PRKCQ: variants seen among roughly 807,000 people sequenced by gnomAD.
PRKCQ encodes the protein protein kinase C theta, also known as protein kinase C theta type.
In PRKCQ, 41 loss-of-function variants were observed where a neutral mutation model predicts 91.2. The observed-to-expected ratio is 0.45, with a 90% CI of 0.35 to 0.58. PRKCQ has a LOEUF of 0.58. Among genes scored for constraint, PRKCQ ranks in the 20% least tolerant of loss-of-function variants. The pLI is 0.00. For missense variants in PRKCQ, 673 were observed against 896.5 expected (o/e 0.75, Z 3.18); for synonymous variants, 307 against 316.9 (o/e 0.97, Z 0.33).
chr10:6,554,344 G>T (rs1840327155), intron 1 of PRKCQ, among the ~76,000 whole-genome samples: 1 of 152,134 alleles, frequency 6.6e-6, no homozygotes, highest in Non-Finnish European at 1.5e-5. Context: ...GGGAATTAAA[G>T]TGTGGTTGGA....
chr10:6,543,802 A>G (rs368602007), intron 1 of PRKCQ, among the ~76,000 whole-genome samples: 1 of 152,156 alleles, frequency 6.6e-6, no homozygotes, highest in East Asian at 1.9e-4. Flanking sequence ...TACTCCTTCC[A>G]CAAATGTCCT....
At chr10:6,513,447 CAAAA>C (rs58606251) in intron 2 of PRKCQ, among the ~76,000 whole-genome samples, 190 of 105,522 alleles carry the variant, frequency 1.8e-3, no homozygotes, top group Middle Eastern at 5.0e-3. Context: ...AGGCCAAATG[CAAAA>C]AAAAAAAAAA....
At chr10:6,492,009 C>T (rs748952146) in intron 7 of PRKCQ, among the ~76,000 whole-genome samples, 197 bp from the exon 8 acceptor site, 11 of 152,282 alleles carry the variant, frequency 7.2e-5, no homozygotes, top group Middle Eastern at 3.4e-3. Context: ...CTGTACGTGA[C>T]GGGGCATGCT....
intron 1 of PRKCQ, among the ~76,000 whole-genome samples, chr10:6,536,839 C>G (rs1839602217): frequency 6.6e-6 from 1 of 152,216 alleles, no homozygotes; most frequent in South Asian, 2.1e-4. Context: ...TTAAAAACAG[C>G]CAGAGCATCT....
chr10:6,486,550 C>A (rs994589437), intron 8 of PRKCQ, among the ~76,000 whole-genome samples: 3 of 152,238 alleles, frequency 2.0e-5, no homozygotes, highest in Non-Finnish European at 4.4e-5. Flanking sequence ...CTGCCCTGAG[C>A]TGCTACTCTC....
Position 6,462,292 on chromosome 10 carries a change from GC to G in PRKCQ, c.1508+10del. 2 of 1,611,538 alleles carry G rather than the reference GC, an allele frequency of 1.2e-6. No individual in the cohort carries two copies. The highest frequency in any genetic ancestry group is 1.7e-6 in the Non-Finnish European group (2 of 1,178,118). On this transcript the variant is annotated intron_variant, in intron 14 of 17. Transcript: ENST00000263125. Reference sequence around the variant, plus strand: ...ATATCTTAGCATTTGTTTCCACAAAGCAAAATTTACCTGTAGACTATTCCTT... The same window carrying G: ...ATATCTTAGCATTTGTTTCCACAAAGAAAATTTACCTGTAGACTATTCCTT...
At chr10:6,414,465 G>A in the PRKCQ span, among the ~76,000 whole-genome samples, 4 of 152,038 alleles carry the variant, frequency 2.6e-5, no homozygotes, top group Admixed American at 2.6e-4. Context: ...AATAAATGAG[G>A]AGGGGACGAA....
chr10:6,515,074 T>C lies in PRKCQ; in HGVS notation c.62A>G (p.Gln21Arg). The C allele has an allele frequency of 1.2e-6, 2 of 1,613,890 alleles. No individual in the cohort carries two copies. The highest frequency in any genetic ancestry group is 1.7e-4 in the Middle Eastern group (1 of 6,048). The change falls in exon 2 of 18, where the codon CAG (glutamine) becomes CGG (arginine). Residue 21 changes from glutamine to arginine, a missense_variant. Transcript: ENST00000263125. ...NFDCGSCQSC[Q>R]GEAVNPYCAV... ...ACAGTAAGGGTTAACAGCCTCGCCC[T>C]GACAAGACTGGCAGGACCCGCAGTC...
chr10:6,517,722 A>G (rs1236308918), intron 1 of PRKCQ, among the ~76,000 whole-genome samples: 1 of 150,352 alleles, frequency 6.7e-6, no homozygotes, highest in Non-Finnish European at 1.5e-5. Context: ...GGTCTTATAC[A>G]TTTAAAGAAA....
chr10:6,479,103 A>T lies in PRKCQ; in HGVS notation c.1242T>A (p.Asp414Glu), dbSNP rs762935560. Residue 414 changes from aspartate to glutamate, a missense_variant, in exon 12 of 18, where the codon GAT becomes GAA. Asp to Glu is a conservative substitution (Grantham distance 45, BLOSUM62 2). Transcript: ENST00000263125. ...CAACATCATCGTCCATCAAGACCACATCTTTCTTTAAGGCCTTTATTGCGA... is the reference window on the plus strand; with the variant it reads ...CAACATCATCGTCCATCAAGACCACTTCTTTCTTTAAGGCCTTTATTGCGA... ...QFFAIKALKK[D>E]VVLMDDDVEC... is the part of the protein sequence containing the mutation. 6.2e-7 allele frequency: 1 copy of T among 1,614,188 alleles called. No individual in the cohort carries two copies. Among genetic ancestry groups the T allele is most frequent in the Non-Finnish European group, 8.5e-7 (1 of 1,180,024 alleles).
chr10:6,555,883 C>A (rs1462642295), intron 1 of PRKCQ, among the ~76,000 whole-genome samples: 1 of 152,044 alleles, frequency 6.6e-6, no homozygotes, highest in African/African-American at 2.4e-5. Flanking sequence ...GTGGTGGATG[C>A]CTGTAATCTC....
At chr10:6,545,778 T>A (rs533727732) in intron 1 of PRKCQ, among the ~76,000 whole-genome samples, 43 of 152,222 alleles carry the variant, frequency 2.8e-4, no homozygotes, top group Non-Finnish European at 4.7e-4. Context: ...TTTGGGAGGC[T>A]GAGGCAGGCA....
At chr10:6,406,774 T>C in the PRKCQ span, among the ~76,000 whole-genome samples, 1 of 152,194 alleles carries the variant, frequency 6.6e-6, no homozygotes, top group Admixed American at 6.5e-5. Context: ...GGGTACTCAC[T>C]CACCACTGTC....
intron 12 of PRKCQ, among the ~76,000 whole-genome samples, chr10:6,464,950 G>A (rs986016071): frequency 3.9e-5 from 6 of 152,144 alleles, no homozygotes; most frequent in Non-Finnish European, 5.9e-5. Flanking sequence ...AGATGCTTGC[G>A]TGTTACAACC....
At chr10:6,402,744 T>A in the PRKCQ span, among the ~76,000 whole-genome samples, 1 of 152,330 alleles carries the variant, frequency 6.6e-6, no homozygotes, top group South Asian at 2.1e-4. Context: ...ACCCCGTTTC[T>A]ACTAAAAGTA....
At chr10:6,534,804 A>G (rs965916197) in intron 1 of PRKCQ, among the ~76,000 whole-genome samples, 1 of 147,526 alleles carries the variant, frequency 6.8e-6, no homozygotes, top group Admixed American at 6.8e-5. Flanking sequence ...ATATATATAT[A>G]TATATATAAA....
intron 1 of PRKCQ, among the ~76,000 whole-genome samples, chr10:6,566,339 C>G (rs1840835838): frequency 6.6e-6 from 1 of 152,218 alleles, no homozygotes; most frequent in South Asian, 2.1e-4. Context: ...ACATTAACTA[C>G]AGCCCTAGGA....
At chr10:6,545,281 G>T (rs74114335) in intron 1 of PRKCQ, among the ~76,000 whole-genome samples, 1 of 152,180 alleles carries the variant, frequency 6.6e-6, no homozygotes, top group Non-Finnish European at 1.5e-5. Context: ...TGCACTGGGC[G>T]CTGTCTGTTG....
Position 6,510,865 on chromosome 10 carries a change from G to A in PRKCQ, c.318+130C>T, listed in dbSNP as rs1040384187. ...CATCGCCATTATCAAATCACCAGTAGGAAGTGGTAGGGAGCCTGGTGACCC... is the reference window on the plus strand; with the variant it reads ...CATCGCCATTATCAAATCACCAGTAAGAAGTGGTAGGGAGCCTGGTGACCC... On this transcript the variant is annotated intron_variant, in intron 3 of 17. Coordinates refer to ENST00000263125, the MANE Select transcript of PRKCQ (RefSeq NM_006257.5). The A allele has an allele frequency of 3.3e-6, 3 of 913,194 alleles. No homozygotes were observed. The Admixed American group carries it at 6.2e-5, about 19-fold the overall frequency. 56.6% of individuals were successfully genotyped at this position (913,194 alleles called of 1,614,324 possible). A position where few individuals can be genotyped will look rare whatever the true frequency, so the allele number is the denominator to read the frequency against.
Sources: gnomAD v4.1 joint callset for allele counts (sites outside exome capture counted in the v4.1 genomes callset) on GRCh38, gnomAD v4.1.1 for gene constraint, MANE v1.5 for transcripts, NCBI Gene and HGNC (gene_info 2026-07-23, HGNC 2026-07-21) for gene names.